TCF3: variants seen among roughly 807,000 people sequenced by gnomAD.
TCF3 encodes transcription factor E2-alpha.
Under a neutral mutation model 72.3 loss-of-function variants are expected in TCF3, and 54 were observed. The observed-to-expected ratio is 0.75, with a 90% CI of 0.60 to 0.94. TCF3 has a LOEUF of 0.94. TCF3 is among the 40% of genes least tolerant of loss of function. The probability of loss-of-function intolerance (pLI) is 0.00; values close to 1 mark genes in which losing one functional copy is unlikely to be tolerated. For synonymous variants in TCF3, 525 were observed against 412.6 expected, an observed-to-expected ratio of 1.27 and a Z score of -3.30; for missense variants, 1,078 against 934.4, an observed-to-expected ratio of 1.15 and a Z score of -2.00.
chr19:1,627,781 G>C (rs549868030), intron 5 of TCF3, among the ~76,000 whole-genome samples: 1 of 149,956 alleles, frequency 6.7e-6, no homozygotes, highest in Non-Finnish European at 1.5e-5. Context: ...CACGGGGTGA[G>C]GTGGGAAGGG....
intron 18 of TCF3, among the ~76,000 whole-genome samples, chr19:1,613,911 C>A (rs958250086): frequency 6.6e-6 from 1 of 152,234 alleles, no homozygotes; most frequent in Non-Finnish European, 1.5e-5. Flanking sequence ...CTGTTCTGTG[C>A]CAGGCCCAAG....
chr19:1,638,436 C>G (rs1490295997), intron 3 of TCF3, among the ~76,000 whole-genome samples: 1 of 152,202 alleles, frequency 6.6e-6, no homozygotes, highest in African/African-American at 2.4e-5. Context: ...GCGCCCACCA[C>G]CGCGCCCGGC....
Position 1,622,367 on chromosome 19 carries a change from A to G in TCF3, c.598T>C (p.Tyr200His). ...GEDYGRDATA[Y>H]PSAKTPSSTY... Reference sequence around the variant, plus strand: ...CTGCTGGGGGTCTTGGCGGACGGGTAGGCGGTGGCATCCCTGCCGTAGTCC... The same window carrying G: ...CTGCTGGGGGTCTTGGCGGACGGGTGGGCGGTGGCATCCCTGCCGTAGTCC... The change falls in exon 9 of 19, where the codon TAC becomes CAC. Residue 200 changes from tyrosine to histidine, a missense_variant. Coordinates refer to ENST00000262965, the MANE Select transcript of TCF3 (RefSeq NM_003200.5). 1 of 1,286,318 alleles carries G rather than the reference A, an allele frequency of 7.8e-7. No homozygotes were observed. Among genetic ancestry groups the G allele is most frequent in the Non-Finnish European group, 1.0e-6 (1 of 986,706 alleles). The allele number at this position is 1,286,318 out of a possible 1,614,324, so 79.7% of individuals were successfully genotyped here.
intron 2 of TCF3, among the ~76,000 whole-genome samples, chr19:1,647,272 C>T (rs567914050): frequency 6.6e-6 from 1 of 152,174 alleles, no homozygotes; most frequent in African/African-American, 2.4e-5. Context: ...CAGAAAAAAA[C>T]ACAACAAGCC....
At position 1,611,371 on chromosome 19, in the gene TCF3, TG is replaced by T. The variant is rs368335619; in HGVS notation, c.*335del. On this transcript the variant is annotated 3_prime_UTR_variant, in exon 19 of 19. Coordinates refer to ENST00000262965, the MANE Select transcript of TCF3 (RefSeq NM_003200.5). ...TTGCTTGCTTTCAGGTTTTGTTTAC[TG>T]GAAAAAAAAAAAATGCTCCTGTCAG... The T allele has an allele frequency of 1.2e-3, 495 of 397,708 alleles. 1 individual carries two copies. The highest frequency in any genetic ancestry group is 9.4e-3 in the African/African-American group (443 of 46,916). 24.6% of individuals were successfully genotyped at this position (397,708 alleles called of 1,614,324 possible).
Position 1,610,300 on chromosome 19 carries a change from AGAGG to A in TCF3, c.*1403_*1406del, listed in dbSNP as rs1328204175. 1.3e-5 allele frequency: 3 copies of A among 231,284 alleles called. No individual in the cohort carries two copies. Among genetic ancestry groups the A allele is most frequent in the African/African-American group, 6.6e-5 (3 of 45,186 alleles). 14.3% of individuals were successfully genotyped at this position (231,284 alleles called of 1,614,324 possible). A position where few individuals can be genotyped will look rare whatever the true frequency, so the allele number is the denominator to read the frequency against. On this transcript the variant is annotated 3_prime_UTR_variant, in exon 19 of 19. Coordinates refer to ENST00000262965, the MANE Select transcript of TCF3 (RefSeq NM_003200.5). ...AGCCACTCTTGCCCTTGGACCACAC[AGAGG>A]GAGGGCAGCAGGTGTGGCCCCAGGC... is the stretch of plus-strand genomic sequence containing the variant.
intron 5 of TCF3, among the ~76,000 whole-genome samples, chr19:1,630,352 G>A (rs1427198844): frequency 1.3e-5 from 2 of 152,174 alleles, no homozygotes; most frequent in East Asian, 1.9e-4. Context: ...AGACCTTCAC[G>A]CTATTCGCTT....
intron 6 of TCF3, among the ~76,000 whole-genome samples, chr19:1,627,042 C>T (rs1001039148): frequency 2.0e-5 from 3 of 152,172 alleles, no homozygotes; most frequent in African/African-American, 7.2e-5. Flanking sequence ...GTTGTATGGG[C>T]TCCCCAGGGG....
At position 1,615,765 on chromosome 19, in the gene TCF3, C is replaced by T; in HGVS notation, c.1507G>A (p.Glu503Lys). 1 of 1,602,394 alleles carries T rather than the reference C, an allele frequency of 6.2e-7. No homozygotes were observed. Among genetic ancestry groups the T allele is most frequent in the Non-Finnish European group, 8.5e-7 (1 of 1,172,826 alleles). The change falls in exon 17 of 19, where the codon GAG (glutamate) becomes AAG (lysine). Residue 503 changes from glutamate to lysine, a missense_variant. Coordinates refer to ENST00000262965, the MANE Select transcript of TCF3 (RefSeq NM_003200.5). The surrounding 1 kb of genome is among the most constrained non-coding windows in gnomAD (Gnocchi z 7.3). ...GCCGCTGACGTGTTCTCCTCGTCCT[C>T]CTTCTCCTCCCGCTTGATCTCGCTG... is the stretch of plus-strand genomic sequence containing the variant. ...AASEIKREEK[E>K]DEENTSAADH...
At chr19:1,613,166 G>A (rs1193612782) in intron 18 of TCF3, among the ~76,000 whole-genome samples, 2 of 152,170 alleles carry the variant, frequency 1.3e-5, no homozygotes, top group African/African-American at 4.8e-5. Context: ...TGTGTGTGTT[G>A]TCACATGCGT....
chr19:1,624,113 G>C, intron 7 of TCF3, 113 bp from the exon 8 acceptor site: 1 of 1,090,308 alleles, frequency 9.2e-7, no homozygotes, highest in African/African-American at 1.6e-5. Context: ...AAAACCTCGG[G>C]TCGGCTGGGT....
chr19:1,633,516 T>C (rs2063982395), intron 3 of TCF3, among the ~76,000 whole-genome samples: 1 of 152,176 alleles, frequency 6.6e-6, no homozygotes. Flanking sequence ...ATCGCATCCT[T>C]CTATTTCGGT....
intron 1 of TCF3, chr19:1,650,615 G>C (rs2066872407): frequency 3.7e-6 from 1 of 271,906 alleles, no homozygotes; most frequent in African/African-American, 2.2e-5. Context: ...ACGCAGGGCA[G>C]CCAGAACCTC....
rs145463080 is a variant in TCF3 at position 1,623,883 on chromosome 19, C to T, written c.549+68G>A. ...CCCCGCCATGTGTGTTCCCAAGCTT[C>T]GCCAGGACACAGGGCCTGGCACTGC... On this transcript the variant is annotated intron_variant, in intron 8 of 18. Coordinates refer to ENST00000262965, the MANE Select transcript of TCF3 (RefSeq NM_003200.5). 1.4e-3 allele frequency: 2,088 copies of T among 1,525,200 alleles called. 24 individuals are homozygous for T. The African/African-American group carries it at 0.022, about 16-fold the overall frequency. 94.5% of individuals were successfully genotyped at this position (1,525,200 alleles called of 1,614,324 possible).
chr19:1,620,563 A>T (rs1341940107), intron 13 of TCF3, among the ~76,000 whole-genome samples: 1 of 152,322 alleles, frequency 6.6e-6, no homozygotes, highest in East Asian at 1.9e-4. Flanking sequence ...AGGCACGCCA[A>T]TGTCCCCTCA....
At chr19:1,647,693 G>A (rs1345917700) in intron 2 of TCF3, among the ~76,000 whole-genome samples, 1 of 152,210 alleles carries the variant, frequency 6.6e-6, no homozygotes, top group Non-Finnish European at 1.5e-5. Context: ...AAGGCCTGCT[G>A]TGGGGGACAG....
chr19:1,621,053 G>A lies in TCF3; in HGVS notation c.1015-7C>T, dbSNP rs1431232755. 2.6e-6 allele frequency: 4 copies of A among 1,516,230 alleles called. No homozygotes were observed. Among genetic ancestry groups the A allele is most frequent in the Non-Finnish European group, 3.6e-6 (4 of 1,125,404 alleles). 93.9% of individuals were successfully genotyped at this position (1,516,230 alleles called of 1,614,324 possible). On this transcript the variant is annotated splice_region_variant and splice_polypyrimidine_tract_variant and intron_variant, in intron 12 of 18. Transcript: ENST00000262965. ...AGTGATCCGGGGAGTAGATCTGCGA[G>A]GAGGACCAGGAGAGATGGGCGGTCA...
At chr19:1,650,124 G>T in intron 2 of TCF3, 53 bp downstream of exon 2, 3 of 1,497,096 alleles carry the variant, frequency 2.0e-6, no homozygotes, top group Non-Finnish European at 1.8e-6. Flanking sequence ...AAACCTTCCC[G>T]TGAACTGTGG....
chr19:1,621,565 C>G (rs1464979222), intron 11 of TCF3, among the ~76,000 whole-genome samples: 1 of 151,982 alleles, frequency 6.6e-6, no homozygotes, highest in Non-Finnish European at 1.5e-5. Flanking sequence ...GGGTGAGTCC[C>G]TCTCTGACCC....
Sources: allele counts gnomAD v4.1 joint callset (sites outside exome capture counted in the v4.1 genomes callset), GRCh38; gene constraint gnomAD v4.1.1; non-coding constraint Gnocchi (gnomAD v3.1); transcripts MANE v1.5; gene names NCBI Gene and HGNC (gene_info 2026-07-23, HGNC 2026-07-21).